Variants in TPTE2 observed in about 807,000 individuals in gnomAD.
The protein encoded by TPTE2 is transmembrane phosphoinositide 3-phosphatase and tensin homolog 2, also known as phosphatidylinositol 3,4,5-trisphosphate 3-phosphatase TPTE2.
Under a neutral mutation model 78.6 loss-of-function variants are expected in TPTE2, and 53 were observed. The ratio of observed to expected loss-of-function variants is 0.67; its 90% CI spans 0.54 to 0.85. The LOEUF is 0.85. Among genes scored for constraint, TPTE2 ranks in the 40% least tolerant of loss-of-function variants. The probability of loss-of-function intolerance (pLI) is 0.00; values close to 1 mark genes in which losing one functional copy is unlikely to be tolerated. For synonymous variants in TPTE2, 175 were observed against 206.2 expected, an observed-to-expected ratio of 0.85 and a Z score of 1.30; for missense variants, 461 against 623.0, an observed-to-expected ratio of 0.74 and a Z score of 2.77.
chr13:19,469,312 T>C (rs1879466539), intron 6 of TPTE2, among the ~76,000 whole-genome samples: 1 of 152,194 alleles, frequency 6.6e-6, no homozygotes, highest in African/African-American at 2.4e-5. Context: ...TTGGCACATT[T>C]ACTAAAAATG....
rs762171885 is a variant in TPTE2, at chr13:19,432,617, A to C, written c.1117-39T>G. On this transcript the variant is annotated intron_variant, in intron 15 of 19. Coordinates refer to ENST00000400230, the Ensembl canonical transcript of TPTE2. The stretch of plus-strand genomic sequence containing the variant: ...GAAATCTTCCTTTAAGTGGAGATGA[A>C]AAGTCTAAAGTCAGCATTCCTTTTT... 2.3e-6 allele frequency: 3 copies of C among 1,327,822 alleles called. No homozygotes were observed. The East Asian group carries it at 7.4e-5, about 33-fold the overall frequency. The allele number at this position is 1,327,822 out of a possible 1,614,324, so 82.3% of individuals were successfully genotyped here.
At chr13:19,533,522 G>A (rs1003380632) in intron 1 of TPTE2, among the ~76,000 whole-genome samples, 1 of 152,176 alleles carries the variant, frequency 6.6e-6, no homozygotes, top group Non-Finnish European at 1.5e-5. Flanking sequence ...AATTGATATT[G>A]GACAGTGAAG....
chr13:19,429,008 T>C (rs910802616), intron 17 of TPTE2, among the ~76,000 whole-genome samples: 1 of 152,248 alleles, frequency 6.6e-6, no homozygotes, highest in Non-Finnish European at 1.5e-5. Flanking sequence ...TAGTGATTTA[T>C]AGTTCACAAA....
intron 13 of TPTE2, among the ~76,000 whole-genome samples, chr13:19,441,492 A>G (rs1460527126): frequency 6.6e-6 from 1 of 152,220 alleles, no homozygotes; most frequent in African/African-American, 2.4e-5. Context: ...TAAAAAATAC[A>G]AGAATCATCC....
intron 4 of TPTE2, among the ~76,000 whole-genome samples, chr13:19,477,150 G>A (rs1242079166): frequency 6.6e-6 from 1 of 152,088 alleles, no homozygotes; most frequent in East Asian, 1.9e-4. Flanking sequence ...CCTATCAGTG[G>A]TAGCTAAATC....
chr13:19,507,677 G>A (rs2932159), upstream of TPTE2, among the ~76,000 whole-genome samples: 151,933 of 152,318 alleles, frequency 1, 75,775 homozygotes, highest in Non-Finnish European at 1. Context: ...CTAACAGCAT[G>A]ATTATGAATA....
the TPTE2 span, among the ~76,000 whole-genome samples, chr13:19,561,508 C>T: frequency 1.3e-5 from 2 of 152,144 alleles, no homozygotes; most frequent in African/African-American, 4.8e-5. Flanking sequence ...ACCAGGTTAT[C>T]AGGAAGTAAG....
the TPTE2 span, chr13:19,561,023 C>G: frequency 6.3e-7 from 1 of 1,576,916 alleles, no homozygotes; most frequent in South Asian, 1.2e-5. Flanking sequence ...ACAGACCAGG[C>G]AGAGGCGCTT....
chr13:19,502,504 T>C (rs1868663885), intron 1 of TPTE2, among the ~76,000 whole-genome samples: 1 of 151,148 alleles, frequency 6.6e-6, no homozygotes, highest in Admixed American at 6.6e-5. Context: ...TGTAGGGACA[T>C]GGATGAAATT....
intron 10 of TPTE2, among the ~76,000 whole-genome samples, chr13:19,459,533 G>T (rs1164346960): frequency 1.3e-5 from 2 of 152,184 alleles, no homozygotes; most frequent in Non-Finnish European, 1.5e-5. Flanking sequence ...GCTGCATTGT[G>T]GGGGATCCTT....
chr13:19,550,550 G>GGAT, the TPTE2 span, among the ~76,000 whole-genome samples: 1 of 152,106 alleles, frequency 6.6e-6, no homozygotes, highest in Non-Finnish European at 1.5e-5. Context: ...ATAGAAACAG[G>GGAT]GATGATGATG....
chr13:19,556,173 C>T, the TPTE2 span, among the ~76,000 whole-genome samples: 9 of 152,112 alleles, frequency 5.9e-5, no homozygotes, highest in South Asian at 2.1e-4. Context: ...ATTCATTGTC[C>T]CTATGCATTT....
intron 4 of TPTE2, among the ~76,000 whole-genome samples, chr13:19,480,079 A>T (rs900650058): frequency 2.6e-5 from 4 of 152,010 alleles, no homozygotes; most frequent in African/African-American, 9.7e-5. Context: ...AACATGACTC[A>T]TTTTTTATCA....
intron 1 of TPTE2, among the ~76,000 whole-genome samples, chr13:19,534,991 G>T (rs532940177): frequency 6.6e-6 from 1 of 152,192 alleles, no homozygotes; most frequent in South Asian, 2.1e-4. Flanking sequence ...ATCACTTGAG[G>T]TCAGGAGTTC....
intron 1 of TPTE2, among the ~76,000 whole-genome samples, chr13:19,526,753 C>CA (rs34982579): frequency 0.74 from 111,850 of 151,488 alleles, 43,885 homozygotes; most frequent in East Asian, 0.96. Context: ...AATGTGCATA[C>CA]AAAAAAAACT....
intron 10 of TPTE2, among the ~76,000 whole-genome samples, chr13:19,452,404 G>C (rs896225888): frequency 6.6e-6 from 1 of 151,950 alleles, no homozygotes; most frequent in African/African-American, 2.4e-5. Flanking sequence ...GAATAACAGG[G>C]GAAACGATTT....
chr13:19,555,557 C>T, the TPTE2 span, among the ~76,000 whole-genome samples: 2 of 152,260 alleles, frequency 1.3e-5, no homozygotes, highest in South Asian at 4.2e-4. Context: ...ACAGTACCTT[C>T]ATTAGAGTAA....
the TPTE2 span, among the ~76,000 whole-genome samples, chr13:19,549,288 TA>T: frequency 6.6e-6 from 1 of 152,032 alleles, no homozygotes; most frequent in Non-Finnish European, 1.5e-5. Flanking sequence ...CCAGAATCTA[TA>T]ACTCAAACAA....
the TPTE2 span, among the ~76,000 whole-genome samples, chr13:19,545,972 G>A: frequency 6.6e-6 from 1 of 152,176 alleles, no homozygotes; most frequent in Non-Finnish European, 1.5e-5. Flanking sequence ...GAAGCCAGGA[G>A]TTTAAGACCA....
Sources: gnomAD v4.1 joint callset for allele counts (sites outside exome capture counted in the v4.1 genomes callset) on GRCh38, gnomAD v4.1.1 for gene constraint, MANE v1.5 for transcripts, NCBI Gene and HGNC (gene_info 2026-07-23, HGNC 2026-07-21) for gene names.